The following PRR5L variants were observed in gnomAD, a reference collection of about 807,000 sequenced individuals.
PRR5L encodes the protein proline-rich protein 5-like.
In PRR5L, 21 loss-of-function variants were observed where a neutral mutation model predicts 36.4. The observed-to-expected ratio is 0.58, with a 90% confidence interval of 0.41 to 0.83. PRR5L has a LOEUF of 0.83. Ranked by LOEUF, PRR5L falls within the 40% of genes least tolerant of loss-of-function variation. PRR5L has a pLI of 0.00. For missense variants in PRR5L, 381 were observed against 473.3 expected (o/e 0.80, Z 1.81); for synonymous variants, 188 against 197.0 (o/e 0.95, Z 0.38).
chr11:36,301,314 G>A (rs1401547338), intron 1 of PRR5L, among the ~76,000 whole-genome samples: 2 of 152,126 alleles, frequency 1.3e-5, no homozygotes, highest in Non-Finnish European at 2.9e-5. Context: ...GAGTGGGTTT[G>A]TCTTTTAGAG....
chr11:36,431,981 GC>G, intron 5 of PRR5L, 71 bp downstream of exon 5: 1 of 1,362,006 alleles, frequency 7.3e-7, no homozygotes, highest in Non-Finnish European at 1.1e-6. Context: ...CGGCTGAGAT[GC>G]TTCTGTCCAG....
intron 1 of PRR5L, chr11:36,376,615 A>C: frequency 1.0e-6 from 1 of 992,650 alleles, no homozygotes; most frequent in Non-Finnish European, 1.2e-6. Flanking sequence ...GGAAGACCGG[A>C]AACTTTTTCC....
At chr11:36,426,389 TCA>T (rs1424112758) in intron 4 of PRR5L, among the ~76,000 whole-genome samples, 1 of 152,254 alleles carries the variant, frequency 6.6e-6, no homozygotes, top group African/African-American at 2.4e-5. Context: ...TCTCTGATGC[TCA>T]GTTTTCTTAA....
At chr11:36,402,462 C>A (rs539011445) in intron 2 of PRR5L, among the ~76,000 whole-genome samples, 1 of 152,254 alleles carries the variant, frequency 6.6e-6, no homozygotes, top group Non-Finnish European at 1.5e-5. Flanking sequence ...AGACTGGTCT[C>A]GAACTCCTGA....
rs116514373 is a variant in PRR5L at position 36,463,200 on chromosome 11, A to G, written c.*464A>G. 0.021 allele frequency: 3,185 copies of G among 154,002 alleles called. 113 individuals are homozygous for G. The highest frequency in any genetic ancestry group is 0.07 in the African/African-American group (2,919 of 41,556). The allele number at this position is 154,002 out of a possible 1,614,324, so 9.5% of individuals were successfully genotyped here. A position where few individuals can be genotyped will look rare whatever the true frequency, so the allele number is the denominator to read the frequency against. Reference sequence around the variant, plus strand: ...GTTTATGGGTGAAAAATTAGTGGAGAGGGAACTCCTCTCCCCCATTTTGTG... The same window carrying G: ...GTTTATGGGTGAAAAATTAGTGGAGGGGGAACTCCTCTCCCCCATTTTGTG... On this transcript the variant is annotated 3_prime_UTR_variant, in exon 9 of 9. Transcript: ENST00000530639.
intron 1 of PRR5L, among the ~76,000 whole-genome samples, chr11:36,370,910 C>CA (rs1003437743): frequency 8.2e-4 from 118 of 144,740 alleles, no homozygotes; most frequent in African/African-American, 2.8e-3. Flanking sequence ...AGAAAGCAAA[C>CA]AAAAAAAACA....
At chr11:36,388,721 C>T (rs1313836924) in intron 1 of PRR5L, among the ~76,000 whole-genome samples, 3 of 42,268 alleles carry the variant, frequency 7.1e-5, no homozygotes, top group Non-Finnish European at 1.9e-4. Flanking sequence ...TTTTTTGAGA[C>T]GGAGTCTCGC....
At chr11:36,355,572 CAG>C (rs1216159506) in intron 1 of PRR5L, among the ~76,000 whole-genome samples, 5 of 130,680 alleles carry the variant, frequency 3.8e-5, no homozygotes, top group Non-Finnish European at 1.6e-5. Flanking sequence ...TTTTTTGAGA[CAG>C]AGTCTTGCTC....
At chr11:36,369,502 C>T (rs552170389) in intron 1 of PRR5L, among the ~76,000 whole-genome samples, 8 of 152,238 alleles carry the variant, frequency 5.3e-5, no homozygotes, top group Non-Finnish European at 7.4e-5. Flanking sequence ...CTGGAAAAGG[C>T]GGTATGGTCT....
Position 36,315,560 on chromosome 11 carries a change from T to G in PRR5L, c.-126+19122T>G, listed in dbSNP as rs576772230. On this transcript the variant is annotated intron_variant, in intron 1 of 8. Coordinates refer to ENST00000530639, the MANE Select transcript of PRR5L (RefSeq NM_001160167.2). ...AAAATCTGAACTTCTTTTTGGGCTG[T>G]TAGCTTTGTAGTAATTTCCTTTCAT... Among the ~76,000 whole-genome samples, 4 of 152,362 alleles carry G rather than the reference T, an allele frequency of 2.6e-5. No individual in the cohort carries two copies. In the South Asian group the frequency reaches 8.3e-4, roughly 32 times the overall value.
chr11:36,311,062 T>G (rs1188026210), intron 1 of PRR5L, among the ~76,000 whole-genome samples: 7 of 151,070 alleles, frequency 4.6e-5, no homozygotes, highest in African/African-American at 1.7e-4. Flanking sequence ...GCCTTCCATG[T>G]GCATGAGCAT....
At chr11:36,384,089 A>G (rs1857416853) in intron 1 of PRR5L, among the ~76,000 whole-genome samples, 1 of 152,196 alleles carries the variant, frequency 6.6e-6, no homozygotes, top group South Asian at 2.1e-4. Context: ...TGATATTTTC[A>G]TCCTACACCT....
chr11:36,306,985 A>G (rs930294741), intron 1 of PRR5L, among the ~76,000 whole-genome samples: 3 of 152,210 alleles, frequency 2.0e-5, no homozygotes, highest in Admixed American at 1.3e-4. Context: ...AGTGATGACT[A>G]CAAAAGACCC....
At chr11:36,450,124 C>T (rs1009544732) in intron 7 of PRR5L, among the ~76,000 whole-genome samples, 1 of 152,178 alleles carries the variant, frequency 6.6e-6, no homozygotes, top group Non-Finnish European at 1.5e-5. Flanking sequence ...AAGGAAGAGC[C>T]TGTTTCCTTG....
chr11:36,381,178 G>A (rs1857361459), intron 1 of PRR5L, among the ~76,000 whole-genome samples: 5 of 152,076 alleles, frequency 3.3e-5, no homozygotes, highest in Admixed American at 1.3e-4. Context: ...ACCAAATGCC[G>A]GCAACACTTC....
chr11:36,458,830 T>C (rs1049083720), intron 8 of PRR5L, among the ~76,000 whole-genome samples: 2 of 152,206 alleles, frequency 1.3e-5, no homozygotes, highest in African/African-American at 4.8e-5. Context: ...TGTCCAAGTG[T>C]GGTGGAAATA....
intron 6 of PRR5L, among the ~76,000 whole-genome samples, chr11:36,443,121 G>A (rs1285293677): frequency 1.3e-5 from 2 of 152,184 alleles, no homozygotes; most frequent in Admixed American, 1.3e-4. Context: ...CAGTCCTGCA[G>A]GCTGTATATG....
At chr11:36,460,382 A>G (rs1457225261) in intron 8 of PRR5L, among the ~76,000 whole-genome samples, 1 of 151,822 alleles carries the variant, frequency 6.6e-6, no homozygotes, top group Non-Finnish European at 1.5e-5. Flanking sequence ...CATCCTCCCC[A>G]TCCTTCGCCC....
chr11:36,346,133 G>A (rs892575204), intron 1 of PRR5L, among the ~76,000 whole-genome samples: 1 of 152,028 alleles, frequency 6.6e-6, no homozygotes, highest in Admixed American at 6.5e-5. Flanking sequence ...ATCTTTTGAA[G>A]GATTTATTTT....
Sources: allele counts gnomAD v4.1 joint callset (sites outside exome capture counted in the v4.1 genomes callset), GRCh38; gene constraint gnomAD v4.1.1; transcripts MANE v1.5; gene names NCBI Gene and HGNC (gene_info 2026-07-23, HGNC 2026-07-21).